CDON: variants seen among roughly 807,000 people sequenced by gnomAD.
CDON encodes the protein cell adhesion molecule-related/down-regulated by oncogenes.
A neutral mutation model predicts 120.9 loss-of-function variants in CDON; 73 were observed. That is an observed-to-expected ratio of 0.60 (90% confidence interval 0.50 to 0.73). The LOEUF is 0.73. Ranked by LOEUF, CDON falls within the 30% of genes least tolerant of loss-of-function variation. CDON has a pLI of 0.00. For synonymous variants in CDON, 566 were observed against 573.5 expected (o/e 0.99, Z 0.19); for missense variants, 1,470 against 1,587.3 (o/e 0.93, Z 1.26).
chr11:126,063,030 C>A (rs1418906209), upstream of CDON, among the ~76,000 whole-genome samples: 1 of 151,764 alleles, frequency 6.6e-6, no homozygotes, highest in Non-Finnish European at 1.5e-5. Flanking sequence ...CCGGCCCGCA[C>A]CCGGCCGGAG....
chr11:125,958,628 G>C lies in CDON; in HGVS notation c.*2314C>G, dbSNP rs564414669. On this transcript the variant is annotated 3_prime_UTR_variant, in exon 20 of 20. Transcript: ENST00000531738. ...ATATTTATATATTTCAATATATAAA[G>C]GCATTTTTTATAAATAAAATACAAT... 6.7e-6 allele frequency: 1 copy of C among 148,580 alleles called. No homozygotes were observed. The highest frequency in any genetic ancestry group is 2.5e-5 in the African/African-American group (1 of 40,244). 9.2% of individuals were successfully genotyped at this position (148,580 alleles called of 1,614,324 possible).
chr11:126,015,482 CTG>C lies in CDON; in HGVS notation c.955_956del (p.Gln319GlyfsTer65). 10 of 1,614,024 alleles carry C rather than the reference CTG, an allele frequency of 6.2e-6. No individual in the cohort carries two copies. The highest frequency in any genetic ancestry group is 8.5e-6 in the Non-Finnish European group (10 of 1,179,974). On this transcript the variant is annotated frameshift_variant, in exon 7 of 20. Coordinates refer to ENST00000531738, the MANE Select transcript of CDON (RefSeq NM_001378964.1). LOFTEE classifies it high-confidence loss of function. Reference protein sequence around the residue: ...LEHASISKGLQDQIVSLGATV... With the variant: ...LEHASISKGLXDQIVSLGATV... ...TGGCACCCAGAGACACTATCTGATC[CTG>C]TAGTCCTTTAGAAATGGAAGCATGT...
intron 8 of CDON, 66 bp downstream of exon 8, chr11:126,010,275 A>C: frequency 9.0e-7 from 1 of 1,115,440 alleles, no homozygotes; most frequent in Non-Finnish European, 1.3e-6. Flanking sequence ...ACATATTTCA[A>C]ATCACTTTAT....
At chr11:125,994,114 T>A (rs181084259) in intron 14 of CDON, among the ~76,000 whole-genome samples, 170 bp downstream of exon 14, 3 of 152,364 alleles carry the variant, frequency 2.0e-5, no homozygotes, top group African/African-American at 7.2e-5. Flanking sequence ...TATAAGGTGC[T>A]GCATATATTA....
intron 1 of CDON, among the ~76,000 whole-genome samples, chr11:126,059,031 ACAAT>A (rs1459933004): frequency 6.6e-6 from 1 of 152,244 alleles, no homozygotes; most frequent in Non-Finnish European, 1.5e-5. Flanking sequence ...TGTAACAGAA[ACAAT>A]CAAATTCTAT....
At position 126,034,041 on chromosome 11, in the gene CDON, G is replaced by A. The variant is rs948131128; in HGVS notation, c.-61-10504C>T. Among the ~76,000 whole-genome samples the A allele has an allele frequency of 2.8e-4, 42 of 151,956 alleles. No individual in the cohort carries two copies. Among genetic ancestry groups the A allele is most frequent in the African/African-American group, 7.0e-4 (29 of 41,348 alleles). Reference sequence around the variant, plus strand: ...ACTGGGAGTGCTCTCTTCCTGCCAGGATGAAGCCCCTGGGTGTGAAATGCA... The same window carrying A: ...ACTGGGAGTGCTCTCTTCCTGCCAGAATGAAGCCCCTGGGTGTGAAATGCA... On this transcript the variant is annotated intron_variant, in intron 1 of 19. Coordinates refer to ENST00000531738, the MANE Select transcript of CDON (RefSeq NM_001378964.1). The surrounding 1 kb of genome is among the most constrained non-coding windows in gnomAD (Gnocchi z 4.5).
At chr11:126,021,661 C>CT in intron 2 of CDON, 141 bp from the exon 3 acceptor site, 8 of 790,656 alleles carry the variant, frequency 1.0e-5, no homozygotes, top group Non-Finnish European at 1.6e-5. Flanking sequence ...GTTCTTGATG[C>CT]TTGTAAAAGT....
At chr11:126,008,107 T>C (rs1947180084) in intron 8 of CDON, among the ~76,000 whole-genome samples, 1 of 152,092 alleles carries the variant, frequency 6.6e-6, no homozygotes, top group South Asian at 2.1e-4. Context: ...CCAAACTATT[T>C]AGGAAACCCG....
intron 6 of CDON, 62 bp from the exon 7 acceptor site, chr11:126,015,572 C>T (rs1947442423): frequency 3.2e-6 from 5 of 1,539,776 alleles, no homozygotes; most frequent in South Asian, 1.2e-5. Context: ...AATTATCACT[C>T]GAGTGATAAA....
At chr11:125,971,933 T>C (rs1246785702) in intron 18 of CDON, among the ~76,000 whole-genome samples, 1 of 152,204 alleles carries the variant, frequency 6.6e-6, no homozygotes, top group East Asian at 1.9e-4. Context: ...ATTACTGCCT[T>C]TTGAATTCAG....
intron 18 of CDON, among the ~76,000 whole-genome samples, chr11:125,971,149 C>T (rs533996767): frequency 5.9e-5 from 9 of 152,102 alleles, no homozygotes; most frequent in Non-Finnish European, 1.3e-4. Context: ...TTTGGGGGGC[C>T]AAGGCGGGCG....
intron 9 of CDON, 189 bp downstream of exon 9, chr11:126,005,570 A>T: frequency 1.6e-6 from 1 of 621,064 alleles, no homozygotes; most frequent in Non-Finnish European, 2.8e-6. Flanking sequence ...GGGGGAAATT[A>T]TACTTCATTC....
rs367731400 is a variant in CDON at position 125,994,346 on chromosome 11, T to C, written c.2588A>G (p.Tyr863Cys). The C allele has an allele frequency of 2.5e-6, 4 of 1,601,588 alleles. No individual in the cohort carries two copies. Among genetic ancestry groups the C allele is most frequent in the Non-Finnish European group, 3.4e-6 (4 of 1,168,652 alleles). The change falls in exon 14 of 20, where the codon TAT (tyrosine) becomes TGT (cysteine). Residue 863 changes from tyrosine (Y) to cysteine (C), a missense_variant. Physicochemically the swap from Tyr to Cys is radical, Grantham distance 194. Coordinates refer to ENST00000531738, the MANE Select transcript of CDON (RefSeq NM_001378964.1). The part of the protein sequence containing the change: ...SNNNTPIQGF[Y>C]IYYRPTDSDN... ...ACTATCTGTTGGTCGGTAATAGATA[T>C]AAAATCCTTGAATGGGAGTGTTATT...
chr11:126,028,530 T>G (rs1002338239), intron 1 of CDON, among the ~76,000 whole-genome samples: 1 of 152,012 alleles, frequency 6.6e-6, no homozygotes, highest in African/African-American at 2.4e-5. Context: ...GCCTGGTTAA[T>G]TTTTGTATTT....
intron 10 of CDON, among the ~76,000 whole-genome samples, 158 bp downstream of exon 10, chr11:126,003,744 G>C (rs512761): frequency 2.6e-5 from 4 of 152,138 alleles, no homozygotes; most frequent in Non-Finnish European, 5.9e-5. Context: ...TGCTTGAACC[G>C]GGGAGGCGGA....
At chr11:126,011,994 A>C (rs777371368) in intron 7 of CDON, among the ~76,000 whole-genome samples, 1 of 152,172 alleles carries the variant, frequency 6.6e-6, no homozygotes, top group Admixed American at 6.5e-5. Flanking sequence ...AAGCCCTTAC[A>C]TGCAAATGTC....
At chr11:126,012,046 C>T (rs1346808844) in intron 7 of CDON, among the ~76,000 whole-genome samples, 1 of 152,214 alleles carries the variant, frequency 6.6e-6, no homozygotes, top group African/African-American at 2.4e-5. Flanking sequence ...CTATCTGTTT[C>T]TGTACCAATA....
At position 126,031,910 on chromosome 11, in the gene CDON, A is replaced by C. The variant is rs1947955064; in HGVS notation, c.-61-8373T>G. Among the ~76,000 whole-genome samples the C allele has an allele frequency of 2.6e-5, 4 of 152,274 alleles. No individual in the cohort carries two copies. The South Asian group carries it at 8.3e-4, about 32-fold the overall frequency. Reference sequence around the variant, plus strand: ...CTCCTTTGACAAGCATAATAAACTCAGTGCATTTTATTTAAGAACAAACTG... The same window carrying C: ...CTCCTTTGACAAGCATAATAAACTCCGTGCATTTTATTTAAGAACAAACTG... On this transcript the variant is annotated intron_variant, in intron 1 of 19. Coordinates refer to ENST00000531738, the MANE Select transcript of CDON (RefSeq NM_001378964.1).
chr11:125,963,700 A>G (rs1414015874), intron 18 of CDON, among the ~76,000 whole-genome samples: 1 of 152,270 alleles, frequency 6.6e-6, no homozygotes, highest in South Asian at 2.1e-4. Flanking sequence ...AATTAAATTC[A>G]GAGACCAGAC....
Sources: gnomAD v4.1 joint callset for allele counts (sites outside exome capture counted in the v4.1 genomes callset) on GRCh38, gnomAD v4.1.1 for gene constraint, Gnocchi (gnomAD v3.1) non-coding constraint, MANE v1.5 for transcripts, NCBI Gene and HGNC (gene_info 2026-07-23, HGNC 2026-07-21) for gene names.